The following SEMA5A variants were observed in gnomAD, a reference collection of about 807,000 sequenced individuals.
SEMA5A encodes the protein semaphorin 5A.
SEMA5A carries 55 observed loss-of-function variants against 135.5 expected under a neutral mutation model. That is an observed-to-expected ratio of 0.41 (90% CI 0.33 to 0.51). The LOEUF is 0.51. Among genes scored for constraint, SEMA5A ranks in the 20% least tolerant of loss-of-function variants. SEMA5A has a pLI of 0.37. For missense variants in SEMA5A, 1,290 were observed against 1,419.9 expected (o/e 0.91, Z 1.47); for synonymous variants, 580 against 546.5 (o/e 1.06, Z -0.85).
chr5:9,499,580 C>G (rs1218260794), intron 1 of SEMA5A, among the ~76,000 whole-genome samples: 1 of 152,214 alleles, frequency 6.6e-6, no homozygotes, highest in African/African-American at 2.4e-5. Flanking sequence ...AGAGTACACT[C>G]TATAAATAAA....
intron 14 of SEMA5A, 114 bp downstream of exon 14, chr5:9,122,542 T>C: frequency 9.6e-7 from 1 of 1,039,602 alleles, no homozygotes; most frequent in African/African-American, 1.6e-5. Flanking sequence ...ATGTCCCTGG[T>C]GTTTCACCAC....
chr5:9,286,933 A>G (rs565359987), intron 5 of SEMA5A, among the ~76,000 whole-genome samples: 60 of 152,330 alleles, frequency 3.9e-4, no homozygotes, highest in Non-Finnish European at 7.3e-4. Flanking sequence ...GGACTCTTCA[A>G]TCTTTGAACA....
At chr5:9,500,626 A>C (rs1337346795) in intron 1 of SEMA5A, among the ~76,000 whole-genome samples, 1 of 152,220 alleles carries the variant, frequency 6.6e-6, no homozygotes, top group Non-Finnish European at 1.5e-5. Flanking sequence ...AAAATACAGG[A>C]CACCCAGTTC....
At chr5:9,140,650 T>C (rs892645140) in intron 12 of SEMA5A, among the ~76,000 whole-genome samples, 6 of 152,240 alleles carry the variant, frequency 3.9e-5, no homozygotes, top group Admixed American at 2.0e-4. Context: ...TTGCGGCTCC[T>C]ATGGCAAACC....
At chr5:9,339,433 A>G (rs1014712248) in intron 3 of SEMA5A, among the ~76,000 whole-genome samples, 55 of 152,162 alleles carry the variant, frequency 3.6e-4, no homozygotes, top group African/African-American at 1.3e-3. Context: ...CACTCCATCA[A>G]TGCCTCCATT....
intron 5 of SEMA5A, among the ~76,000 whole-genome samples, chr5:9,243,239 C>A (rs79046959): frequency 6.6e-6 from 1 of 152,168 alleles, no homozygotes; most frequent in African/African-American, 2.4e-5. Flanking sequence ...CCTCTCCCAG[C>A]CCCTGGGGTC....
In SEMA5A at chr5:9,166,093, T is replaced by C. The variant is rs139444036; in HGVS notation, c.1274-11398A>G. ...GATAGTCAGTCGGTTTAAACTTTCC[T>C]GGTCATAAATTAAAAGCAAAATTTT... On this transcript the variant is annotated intron_variant, in intron 11 of 22. Coordinates refer to ENST00000382496, the MANE Select transcript of SEMA5A (RefSeq NM_003966.3). 2.7e-3 allele frequency among the ~76,000 whole-genome samples: 415 copies of C among 152,296 alleles called. 1 individual carries two copies. The highest frequency in any genetic ancestry group is 0.01 in the Middle Eastern group (3 of 294).
At chr5:9,332,904 CACCACCTT>C (rs1753221336) in intron 4 of SEMA5A, among the ~76,000 whole-genome samples, 1 of 152,198 alleles carries the variant, frequency 6.6e-6, no homozygotes, top group African/African-American at 2.4e-5. Context: ...GCCTCAATCC[CACCACCTT>C]ACCCATGGCA....
chr5:9,133,156 CA>C (rs1426679676), intron 13 of SEMA5A, among the ~76,000 whole-genome samples: 1 of 152,150 alleles, frequency 6.6e-6, no homozygotes, highest in African/African-American at 2.4e-5. Flanking sequence ...GCCCTTGTTC[CA>C]TTTCAGTTAA....
intron 16 of SEMA5A, among the ~76,000 whole-genome samples, chr5:9,101,354 T>C (rs1047927589): frequency 6.6e-6 from 1 of 152,206 alleles, no homozygotes; most frequent in African/African-American, 2.4e-5. Context: ...ACCATCTCGC[T>C]TCTTTGCTCC....
chr5:9,518,209 G>A (rs993617067), intron 1 of SEMA5A: 1 of 152,144 alleles, frequency 6.6e-6, no homozygotes, highest in Non-Finnish European at 1.5e-5. Flanking sequence ...CTACAGAATT[G>A]TTAAATTATG....
chr5:9,284,207 G>T (rs1304725334), intron 5 of SEMA5A, among the ~76,000 whole-genome samples: 1 of 151,998 alleles, frequency 6.6e-6, no homozygotes, highest in African/African-American at 2.4e-5. Context: ...GAGATTGCTT[G>T]ATCAATTTCC....
rs1182786516 is a variant in SEMA5A, at chr5:9,035,798, A to C, written c.*7099T>G. ...ACAAGTGTTCTAGCATAGCAACCCA[A>C]GATCCATTTTCTCATTCAAACAAAG... On this transcript the variant is annotated 3_prime_UTR_variant, in exon 23 of 23. Transcript: ENST00000382496. 6.6e-6 allele frequency: 1 copy of C among 152,106 alleles called. No individual in the cohort carries two copies. The highest frequency in any genetic ancestry group is 1.5e-5 in the Non-Finnish European group (1 of 68,024). The allele number at this position is 152,106 out of a possible 1,614,324, so 9.4% of individuals were successfully genotyped here.
chr5:9,414,337 C>G (rs77608787), intron 2 of SEMA5A, among the ~76,000 whole-genome samples: 25,697 of 152,136 alleles, frequency 0.17, 2,444 homozygotes, highest in East Asian at 0.37. Flanking sequence ...TCGAAGATGA[C>G]AGTTTTCCTC....
intron 3 of SEMA5A, among the ~76,000 whole-genome samples, chr5:9,366,756 A>G (rs1461538471): frequency 6.6e-6 from 1 of 152,238 alleles, no homozygotes; most frequent in African/African-American, 2.4e-5. Flanking sequence ...GAAGAGATAA[A>G]GAATGTCCCA....
intron 17 of SEMA5A, among the ~76,000 whole-genome samples, chr5:9,064,025 G>A (rs149612082): frequency 5.9e-5 from 9 of 152,302 alleles, no homozygotes; most frequent in Middle Eastern, 3.4e-3. Flanking sequence ...GTAAAGTTCC[G>A]GGGAAGTGTG....
chr5:9,542,906 A>G (rs186864019), intron 1 of SEMA5A, among the ~76,000 whole-genome samples: 60 of 152,320 alleles, frequency 3.9e-4, no homozygotes, highest in Non-Finnish European at 1.8e-4. Flanking sequence ...ACATAATGCA[A>G]TGCCTTTATA....
chr5:9,317,586 G>T (rs1356224659), intron 5 of SEMA5A, among the ~76,000 whole-genome samples: 2 of 152,146 alleles, frequency 1.3e-5, no homozygotes, highest in African/African-American at 2.4e-5. Flanking sequence ...ATTAAAGAGA[G>T]AATAAAATAA....
At chr5:9,357,627 GT>G (rs149006150) in intron 3 of SEMA5A, among the ~76,000 whole-genome samples, 1,623 of 152,278 alleles carry the variant, frequency 0.011, 26 homozygotes, top group African/African-American at 0.037. Flanking sequence ...TTTTGCAAAT[GT>G]TGAGTCTGTT....
Sources: allele counts gnomAD v4.1 joint callset (sites outside exome capture counted in the v4.1 genomes callset), GRCh38; gene constraint gnomAD v4.1.1; transcripts MANE v1.5; gene names NCBI Gene and HGNC (gene_info 2026-07-23, HGNC 2026-07-21).